Variants in MEGF10 observed in about 807,000 individuals in gnomAD.
The protein encoded by MEGF10 is multiple epidermal growth factor-like domains protein 10.
In MEGF10, 86 loss-of-function variants were observed where a neutral mutation model predicts 147.5. The observed-to-expected ratio is 0.58, with a 90% CI of 0.49 to 0.70. The LOEUF (loss-of-function observed/expected upper bound fraction) is 0.70, where lower values mean the gene tolerates loss of function less well. Among genes scored for constraint, MEGF10 ranks in the 30% least tolerant of loss-of-function variants. The pLI is 0.00. For missense variants in MEGF10, 1,329 were observed against 1,487.3 expected (o/e 0.89, Z 1.75); for synonymous variants, 478 against 525.5 (o/e 0.91, Z 1.24).
intron 1 of MEGF10, among the ~76,000 whole-genome samples, chr5:127,328,232 G>A (rs749309753): frequency 6.6e-6 from 1 of 152,096 alleles, no homozygotes; most frequent in Non-Finnish European, 1.5e-5. Context: ...ATGTGAATTT[G>A]CATGATCCTT....
intron 14 of MEGF10, 112 bp from the exon 15 acceptor site, chr5:127,434,574 CT>C (rs1765492525): frequency 2.1e-5 from 25 of 1,192,450 alleles, no homozygotes; most frequent in South Asian, 5.9e-5. Flanking sequence ...ATCTTTTTTA[CT>C]TTTTTTTAAG....
At chr5:127,338,864 G>T (rs1761566340) in intron 2 of MEGF10, among the ~76,000 whole-genome samples, 1 of 151,962 alleles carries the variant, frequency 6.6e-6, no homozygotes, top group Non-Finnish European at 1.5e-5. Context: ...GAATATTAGG[G>T]TTTATAGTGA....
chr5:127,289,783 G>T (rs1017949380), upstream of MEGF10, among the ~76,000 whole-genome samples: 3 of 152,186 alleles, frequency 2.0e-5, no homozygotes, highest in Non-Finnish European at 4.4e-5. Context: ...TCTCTAAAAA[G>T]AAAGAGTTCT....
In MEGF10 at chr5:127,455,591, G is replaced by A. The variant is rs75783175; in HGVS notation, c.3216G>A (p.Arg1072=). 3 of 1,614,020 alleles carry A rather than the reference G, an allele frequency of 1.9e-6. No individual in the cohort carries two copies. The highest frequency in any genetic ancestry group is 2.5e-6 in the Non-Finnish European group (3 of 1,179,974). The change falls in exon 24 of 25, where the codon AGG becomes AGA. Residue 1072 remains arginine (R), a synonymous_variant. Transcript: ENST00000503335. ...TCAATAACTCAACTTCAGCCAACAG[G>A]AATGTCTATGAAGTTGGTGAGTTCC... ...AEINNSTSAN[R]NVYEVEPTVS... is the part of the protein sequence containing the mutation.
the MEGF10 span, among the ~76,000 whole-genome samples, chr5:127,247,412 A>G: frequency 6.2e-4 from 48 of 77,146 alleles, 1 homozygote; most frequent in Admixed American, 1.5e-3. Context: ...AAGAAGAAGA[A>G]GAAGAAGAAG....
chr5:127,410,301 A>C (rs1764503882), intron 8 of MEGF10, 88 bp from the exon 9 acceptor site: 2 of 1,249,122 alleles, frequency 1.6e-6, no homozygotes, highest in Non-Finnish European at 2.3e-6. Flanking sequence ...GCTTCGATTT[A>C]TGCATAACAA....
chr5:127,407,277 A>AGG (rs1158886707), intron 8 of MEGF10, among the ~76,000 whole-genome samples: 6 of 152,184 alleles, frequency 3.9e-5, no homozygotes, highest in Non-Finnish European at 5.9e-5. Context: ...ATTCTTTCAC[A>AGG]CTAAATCATG....
chr5:127,397,178 A>G (rs976679870), intron 6 of MEGF10, among the ~76,000 whole-genome samples: 7 of 152,164 alleles, frequency 4.6e-5, no homozygotes, highest in African/African-American at 1.4e-4. Flanking sequence ...CTTTGTGGCA[A>G]TTAATTAGCT....
At chr5:127,422,023 A>C (rs1021716976) in intron 12 of MEGF10, among the ~76,000 whole-genome samples, 24 of 148,368 alleles carry the variant, frequency 1.6e-4, no homozygotes, top group African/African-American at 5.4e-4. Flanking sequence ...CCTGACCCAC[A>C]CAAAAAAGCT....
intron 5 of MEGF10, among the ~76,000 whole-genome samples, chr5:127,392,910 G>A (rs998533301): frequency 6.6e-6 from 1 of 152,184 alleles, no homozygotes; most frequent in African/African-American, 2.4e-5. Context: ...GCCATTCCAT[G>A]AAATATCTGC....
At chr5:127,401,580 C>T (rs1427008189) in intron 7 of MEGF10, among the ~76,000 whole-genome samples, 1 of 152,136 alleles carries the variant, frequency 6.6e-6, no homozygotes, top group Non-Finnish European at 1.5e-5. Context: ...CCACAGTCTG[C>T]CTTTTTTTAG....
chr5:127,350,290 G>T (rs1762040956), intron 4 of MEGF10, among the ~76,000 whole-genome samples: 1 of 152,032 alleles, frequency 6.6e-6, no homozygotes, highest in Non-Finnish European at 1.5e-5. Context: ...CCTGCCCAAG[G>T]CTCCAGATAG....
At chr5:127,415,766 T>C (rs1364597426) in intron 9 of MEGF10, among the ~76,000 whole-genome samples, 5 of 151,482 alleles carry the variant, frequency 3.3e-5, no homozygotes, top group Non-Finnish European at 7.4e-5. Flanking sequence ...TAGCTGGGCA[T>C]GGGGCACACG....
intron 16 of MEGF10, among the ~76,000 whole-genome samples, chr5:127,436,230 C>T (rs1224814992): frequency 6.6e-6 from 1 of 152,194 alleles, no homozygotes; most frequent in Non-Finnish European, 1.5e-5. Context: ...TGACTGTGTG[C>T]AGTCATTTTA....
intron 4 of MEGF10, among the ~76,000 whole-genome samples, chr5:127,360,817 T>C (rs1447809549): frequency 6.6e-6 from 1 of 151,826 alleles, no homozygotes; most frequent in African/African-American, 2.4e-5. Context: ...ATAGGTTATA[T>C]ATATATGTAT....
the MEGF10 span, among the ~76,000 whole-genome samples, chr5:127,238,737 A>G: frequency 6.6e-6 from 1 of 152,216 alleles, no homozygotes; most frequent in South Asian, 2.1e-4. Flanking sequence ...ATCCGTGTCT[A>G]TTTATGATCT....
chr5:127,234,732 G>T, the MEGF10 span, among the ~76,000 whole-genome samples: 1 of 152,040 alleles, frequency 6.6e-6, no homozygotes, highest in Non-Finnish European at 1.5e-5. Context: ...CCAGTTCTTT[G>T]TTAAGTGTCT....
intron 1 of MEGF10, among the ~76,000 whole-genome samples, chr5:127,294,970 G>A (rs972228544): frequency 8.6e-5 from 13 of 152,024 alleles, no homozygotes; most frequent in Non-Finnish European, 1.6e-4. Flanking sequence ...TTATCCTTTA[G>A]GATGGTTTTG....
chr5:127,298,901 A>T (rs1759639553), intron 1 of MEGF10, among the ~76,000 whole-genome samples: 1 of 152,234 alleles, frequency 6.6e-6, no homozygotes, highest in African/African-American at 2.4e-5. Flanking sequence ...GACACACTTA[A>T]ATCAGAGAGA....
Sources: allele counts gnomAD v4.1 joint callset (sites outside exome capture counted in the v4.1 genomes callset), GRCh38; gene constraint gnomAD v4.1.1; transcripts MANE v1.5; gene names NCBI Gene and HGNC (gene_info 2026-07-23, HGNC 2026-07-21).